Variants in SDK1 observed in about 807,000 individuals in gnomAD.
The protein encoded by SDK1 is sidekick cell adhesion molecule 1, also known as protein sidekick-1.
Under a neutral mutation model 245.5 loss-of-function variants are expected in SDK1, and 157 were observed. That is an observed-to-expected ratio of 0.64 (90% confidence interval 0.56 to 0.73). SDK1 has a LOEUF of 0.73. SDK1 is among the 30% of genes least tolerant of loss of function. The pLI is 0.00. For synonymous variants in SDK1, 1,647 were observed against 1,278.5 expected (o/e 1.29, Z -6.15); for missense variants, 3,583 against 3,002.3 (o/e 1.19, Z -4.52).
rs1779984768 is a variant in SDK1 at position 3,568,074 on chromosome 7, G to A, written c.299-51006G>A. On this transcript the variant is annotated intron_variant, in intron 1 of 44. Coordinates refer to ENST00000404826, the MANE Select transcript of SDK1 (RefSeq NM_152744.4). ...GAGCTCAAGCAATCCTCCCACCTTA[G>A]CCTCACAAAGTGCTGGGATTACAGG... Among the ~76,000 whole-genome samples, 3 of 152,122 alleles carry A rather than the reference G, an allele frequency of 2.0e-5. No homozygotes were observed. The South Asian group carries it at 6.2e-4, about 32-fold the overall frequency.
intron 5 of SDK1, among the ~76,000 whole-genome samples, chr7:3,947,691 CAT>C (rs1022645906): frequency 4.6e-5 from 7 of 151,140 alleles, no homozygotes; most frequent in African/African-American, 1.7e-4. Flanking sequence ...AAAATATACA[CAT>C]ATATATTTAT....
chr7:4,268,710 C>T lies in SDK1; in HGVS notation c.*3326C>T, dbSNP rs368466978. On this transcript the variant is annotated 3_prime_UTR_variant, in exon 45 of 45. Transcript: ENST00000404826. ...ATCCTCCTGACGAGCAACCCGTCTG[C>T]GTACCTAAGTGTGGCTCCCCGTGGG... The T allele has an allele frequency of 1.8e-4, 252 of 1,367,736 alleles. 3 individuals carry two copies. Among genetic ancestry groups the T allele is most frequent in the South Asian group, 4.2e-4 (37 of 88,056 alleles). 84.7% of individuals were successfully genotyped at this position (1,367,736 alleles called of 1,614,324 possible).
chr7:4,233,005 G>T, intron 40 of SDK1: 1 of 407,696 alleles, frequency 2.5e-6, no homozygotes, highest in East Asian at 3.5e-5. Context: ...TTCCCACTAT[G>T]ACCATTTCAA....
At chr7:3,632,690 A>G (rs1279280461) in intron 2 of SDK1, among the ~76,000 whole-genome samples, 1 of 152,202 alleles carries the variant, frequency 6.6e-6, no homozygotes, top group Non-Finnish European at 1.5e-5. Context: ...ATACTGTTTA[A>G]TTTAACTTCA....
intron 2 of SDK1, among the ~76,000 whole-genome samples, chr7:3,623,789 A>T (rs1782024270): frequency 1.3e-5 from 2 of 152,306 alleles, no homozygotes; most frequent in South Asian, 4.1e-4. Flanking sequence ...CACAATATTT[A>T]TTATTGTAAC....
intron 32 of SDK1, among the ~76,000 whole-genome samples, chr7:4,167,499 A>C (rs1246275496): frequency 6.6e-6 from 1 of 152,216 alleles, no homozygotes; most frequent in Non-Finnish European, 1.5e-5. Flanking sequence ...CGTGGCAGGC[A>C]CAGGGAAGGT....
At chr7:3,492,894 C>G (rs1400293916) in intron 1 of SDK1, among the ~76,000 whole-genome samples, 2 of 152,178 alleles carry the variant, frequency 1.3e-5, no homozygotes, top group African/African-American at 4.8e-5. Context: ...ATTTGAGATT[C>G]ATGTAATAAG....
chr7:3,559,677 C>G (rs1779689603), intron 1 of SDK1, among the ~76,000 whole-genome samples: 1 of 148,748 alleles, frequency 6.7e-6, no homozygotes, highest in African/African-American at 2.5e-5. Flanking sequence ...TTTGTGATTT[C>G]TAAATAGTTT....
At chr7:3,455,008 T>C (rs575064475) in intron 1 of SDK1, among the ~76,000 whole-genome samples, 1 of 152,222 alleles carries the variant, frequency 6.6e-6, no homozygotes, top group Non-Finnish European at 1.5e-5. Flanking sequence ...TCCTTATTTT[T>C]TTATTTTAGA....
At chr7:3,582,150 CCTGTCTCAGGTAGGT>C (rs1490373898) in intron 1 of SDK1, among the ~76,000 whole-genome samples, 2 of 131,956 alleles carry the variant, frequency 1.5e-5, no homozygotes, top group African/African-American at 5.7e-5. Context: ...CTCAGGTAGG[CCTGTCTCAGGTAGGT>C]CTCCCTCAGG....
chr7:3,508,439 T>A (rs1038258281), intron 1 of SDK1, among the ~76,000 whole-genome samples: 1 of 151,622 alleles, frequency 6.6e-6, no homozygotes, highest in Non-Finnish European at 1.5e-5. Context: ...ACAATTCTCC[T>A]GCCTCAGCCT....
At chr7:4,170,081 G>A (rs1781745667) in intron 32 of SDK1, among the ~76,000 whole-genome samples, 1 of 152,154 alleles carries the variant, frequency 6.6e-6, no homozygotes, top group South Asian at 2.1e-4. Context: ...TTTCTTCTAA[G>A]AAGGTTAAGT....
At chr7:3,624,812 G>A (rs925715065) in intron 2 of SDK1, among the ~76,000 whole-genome samples, 2 of 152,084 alleles carry the variant, frequency 1.3e-5, no homozygotes, top group East Asian at 1.9e-4. Flanking sequence ...TTGGGAGGCC[G>A]AGGGAGGCGC....
At chr7:4,207,680 G>A (rs967401241) in intron 36 of SDK1, among the ~76,000 whole-genome samples, 3 of 152,006 alleles carry the variant, frequency 2.0e-5, no homozygotes, top group African/African-American at 4.8e-5. Context: ...GACACGGGGC[G>A]GCTTCCCTTC....
intron 1 of SDK1, among the ~76,000 whole-genome samples, chr7:3,330,912 A>T (rs1299763239): frequency 6.6e-6 from 1 of 151,612 alleles, no homozygotes; most frequent in Non-Finnish European, 1.5e-5. Flanking sequence ...GCTGCAGTAA[A>T]CTTTGATCCT....
chr7:4,007,267 G>A (rs1461245584), intron 14 of SDK1, among the ~76,000 whole-genome samples: 2 of 152,168 alleles, frequency 1.3e-5, no homozygotes, highest in Admixed American at 6.5e-5. Flanking sequence ...GCCTCAGAGC[G>A]GGTTTCACTC....
At chr7:3,467,296 C>T (rs1209239436) in intron 1 of SDK1, among the ~76,000 whole-genome samples, 1 of 151,860 alleles carries the variant, frequency 6.6e-6, no homozygotes, top group South Asian at 2.1e-4. Flanking sequence ...CAATTAAATG[C>T]CACTTATGTT....
chr7:4,130,033 G>C lies in SDK1; in HGVS notation c.4065G>C (p.Ala1355=). The C allele has an allele frequency of 6.2e-7, 1 of 1,613,264 alleles. No homozygotes were observed. Among genetic ancestry groups the C allele is most frequent in the Non-Finnish European group, 8.5e-7 (1 of 1,179,760 alleles). Residue 1355 remains alanine, a synonymous_variant, in exon 27 of 45, where the codon GCG becomes GCC. Coordinates refer to ENST00000404826, the MANE Select transcript of SDK1 (RefSeq NM_152744.4). ...KFVLYELQVL[A]FTRIGNGVPS... The stretch of plus-strand genomic sequence containing the variant: ...TGCTCTACGAGCTCCAGGTGCTGGC[G>C]TTCACCCGCATCGGGAACGGGGTCC...
intron 5 of SDK1, among the ~76,000 whole-genome samples, chr7:3,908,448 G>A (rs975609773): frequency 6.6e-5 from 10 of 152,106 alleles, no homozygotes; most frequent in South Asian, 2.1e-4. Flanking sequence ...ATGCTCACCC[G>A]CAGTCCACTC....
Sources: allele counts gnomAD v4.1 joint callset (sites outside exome capture counted in the v4.1 genomes callset), GRCh38; gene constraint gnomAD v4.1.1; transcripts MANE v1.5; gene names NCBI Gene and HGNC (gene_info 2026-07-23, HGNC 2026-07-21).